CNTNAP5: variants seen among roughly 807,000 people sequenced by gnomAD.
CNTNAP5 encodes the protein contactin-associated protein-like 5.
Under a neutral mutation model 150.2 loss-of-function variants are expected in CNTNAP5, and 72 were observed. The ratio of observed to expected loss-of-function variants is 0.48; its 90% confidence interval spans 0.40 to 0.58. The LOEUF is 0.58. Ranked by LOEUF, CNTNAP5 falls within the 20% of genes least tolerant of loss-of-function variation. The probability of loss-of-function intolerance (pLI) is 0.00; values close to 1 mark genes in which losing one functional copy is unlikely to be tolerated. For missense variants in CNTNAP5, 1,636 were observed against 1,626.2 expected (o/e 1.01, Z -0.10); for synonymous variants, 672 against 619.8 (o/e 1.08, Z -1.25).
In CNTNAP5 at chr2:124,093,923, A is replaced by G. The variant is rs77294229; in HGVS notation, c.82+68191A>G. ...TTGCAGATGCTACTAAATTATGAGA[A>G]AACAACAAATAATGAGGCACAACGT... is the stretch of plus-strand genomic sequence containing the variant. On this transcript the variant is annotated intron_variant, in intron 1 of 23. Coordinates refer to ENST00000682447, the MANE Select transcript of CNTNAP5 (RefSeq NM_001367498.1). 6.8e-4 allele frequency among the ~76,000 whole-genome samples: 103 copies of G among 152,368 alleles called. 1 individual carries two copies. In the East Asian group the frequency reaches 0.019, roughly 29 times the overall value.
chr2:124,537,066 G>A (rs567861861), intron 10 of CNTNAP5, among the ~76,000 whole-genome samples: 14 of 150,618 alleles, frequency 9.3e-5, no homozygotes, highest in Non-Finnish European at 5.9e-5. Context: ...GAGAGAGAGA[G>A]ACAGAGAGAC....
intron 7 of CNTNAP5, among the ~76,000 whole-genome samples, chr2:124,488,185 C>T (rs1162669587): frequency 6.6e-6 from 1 of 152,066 alleles, no homozygotes; most frequent in Non-Finnish European, 1.5e-5. Context: ...AAATACTATA[C>T]AGGTATAGAT....
At chr2:124,429,138 C>T (rs1645030593) in intron 4 of CNTNAP5, among the ~76,000 whole-genome samples, 1 of 152,188 alleles carries the variant, frequency 6.6e-6, no homozygotes, top group South Asian at 2.1e-4. Flanking sequence ...TAGTTTATCT[C>T]TTATTAACAG....
intron 6 of CNTNAP5, among the ~76,000 whole-genome samples, chr2:124,451,411 A>G (rs1487438862): frequency 3.3e-5 from 5 of 152,048 alleles, no homozygotes; most frequent in Admixed American, 6.6e-5. Context: ...ACTAAGATAT[A>G]TAAAAAATTT....
At chr2:124,639,117 C>A (rs893470963) in intron 12 of CNTNAP5, among the ~76,000 whole-genome samples, 4 of 152,058 alleles carry the variant, frequency 2.6e-5, no homozygotes, top group Non-Finnish European at 1.5e-5. Flanking sequence ...AAGTGAATAC[C>A]TACTTTAGGC....
intron 2 of CNTNAP5, among the ~76,000 whole-genome samples, chr2:124,227,640 ATGTGTG>A (rs200129722): frequency 0.016 from 2,329 of 143,392 alleles, 52 homozygotes; most frequent in African/African-American, 0.049. Flanking sequence ...CATCGTGTGT[ATGTGTG>A]TGTGTGTGTG....
intron 7 of CNTNAP5, 123 bp downstream of exon 7, chr2:124,475,005 C>T (rs866134504): frequency 2.8e-6 from 2 of 716,410 alleles, no homozygotes; most frequent in Middle Eastern, 2.5e-4. Flanking sequence ...TTCCCATCAG[C>T]GTCTGACGTG....
At chr2:124,473,038 G>C (rs937702379) in intron 6 of CNTNAP5, among the ~76,000 whole-genome samples, 5 of 151,948 alleles carry the variant, frequency 3.3e-5, no homozygotes, top group Non-Finnish European at 2.9e-5. Context: ...CAAGTATCTG[G>C]TTAAAGAAAA....
intron 3 of CNTNAP5, among the ~76,000 whole-genome samples, chr2:124,407,781 C>T (rs1428023014): frequency 6.6e-6 from 1 of 152,152 alleles, no homozygotes; most frequent in African/African-American, 2.4e-5. Context: ...TTGCAATCTT[C>T]CCTACTTAAT....
At chr2:124,071,205 C>G (rs902019661) in intron 1 of CNTNAP5, among the ~76,000 whole-genome samples, 2 of 151,564 alleles carry the variant, frequency 1.3e-5, no homozygotes, top group African/African-American at 4.8e-5. Flanking sequence ...ATTATTTCTT[C>G]ATACTGAAGA....
chr2:124,574,669 T>C, intron 11 of CNTNAP5, among the ~76,000 whole-genome samples: 1 of 152,234 alleles, frequency 6.6e-6, no homozygotes, highest in Admixed American at 6.5e-5. Flanking sequence ...ATAAGAGTAG[T>C]GAGCAATAAT....
chr2:124,565,723 C>T (rs1696008181), intron 11 of CNTNAP5, among the ~76,000 whole-genome samples: 1 of 151,422 alleles, frequency 6.6e-6, no homozygotes, highest in South Asian at 2.1e-4. Flanking sequence ...CCTCAGCCTC[C>T]CGAGTAGCTG....
chr2:124,556,175 G>C (rs1163538277), intron 10 of CNTNAP5, among the ~76,000 whole-genome samples: 1 of 152,150 alleles, frequency 6.6e-6, no homozygotes, highest in Admixed American at 6.5e-5. Flanking sequence ...CAGTGCTCTA[G>C]AGTACAGGCT....
At chr2:124,482,243 G>A (rs746342466) in intron 7 of CNTNAP5, among the ~76,000 whole-genome samples, 5 of 152,124 alleles carry the variant, frequency 3.3e-5, no homozygotes, top group African/African-American at 7.2e-5. Context: ...CTGGAGGGGC[G>A]GTCAGTGGAG....
chr2:124,223,174 G>A (rs928214991), intron 2 of CNTNAP5, among the ~76,000 whole-genome samples: 1 of 152,116 alleles, frequency 6.6e-6, no homozygotes, highest in Non-Finnish European at 1.5e-5. Context: ...CTGGGGAAAT[G>A]CTTGCATTCA....
At chr2:124,217,860 G>A (rs1686198972) in intron 1 of CNTNAP5, among the ~76,000 whole-genome samples, 1 of 151,974 alleles carries the variant, frequency 6.6e-6, no homozygotes, top group African/African-American at 2.4e-5. Flanking sequence ...CTCTATGGCT[G>A]GATATGATGA....
chr2:124,229,895 G>GTT (rs148253341), intron 2 of CNTNAP5, among the ~76,000 whole-genome samples: 383 of 149,702 alleles, frequency 2.6e-3, no homozygotes, highest in Non-Finnish European at 3.9e-3. Context: ...TCTATTGCAT[G>GTT]TTTTTTTTTT....
At chr2:124,518,843 C>G (rs1694789336) in intron 8 of CNTNAP5, among the ~76,000 whole-genome samples, 2 of 151,350 alleles carry the variant, frequency 1.3e-5, no homozygotes. Flanking sequence ...AAAAAAATTA[C>G]CCTGGCGTGG....
intron 21 of CNTNAP5, among the ~76,000 whole-genome samples, chr2:124,871,348 A>G (rs1677744140): frequency 6.6e-6 from 1 of 151,478 alleles, no homozygotes; most frequent in African/African-American, 2.4e-5. Flanking sequence ...ATTTTGCTAG[A>G]TCTTCAATGC....
Sources: allele counts gnomAD v4.1 joint callset (sites outside exome capture counted in the v4.1 genomes callset), GRCh38; gene constraint gnomAD v4.1.1; transcripts MANE v1.5; gene names NCBI Gene and HGNC (gene_info 2026-07-23, HGNC 2026-07-21).